Variants in AK3 observed in about 807,000 individuals in gnomAD.
The protein encoded by AK3 is adenylate kinase 3, also known as GTP:AMP phosphotransferase AK3, mitochondrial.
A neutral mutation model predicts 23.7 loss-of-function variants in AK3; 27 were observed. The ratio of observed to expected loss-of-function variants is 1.14; its 90% CI spans 0.84 to 1.57. AK3 has a LOEUF of 1.57. AK3 is among the 40% of genes most tolerant of loss of function. The pLI is 0.00. For synonymous variants in AK3, 159 were observed against 116.0 expected (o/e 1.37, Z -2.38); for missense variants, 406 against 285.6 (o/e 1.42, Z -3.04).
chr9:4,714,018 A>ATATACGCCTACACG (rs1841640041), intron 4 of AK3, among the ~76,000 whole-genome samples: 4 of 137,930 alleles, frequency 2.9e-5, no homozygotes, highest in African/African-American at 1.1e-4. Flanking sequence ...ACACCTACAC[A>ATATACGCCTACACG]TATACAGCTA....
intron 1 of AK3, among the ~76,000 whole-genome samples, chr9:4,736,863 A>C (rs571336043): frequency 2.6e-5 from 4 of 152,218 alleles, no homozygotes; most frequent in African/African-American, 9.6e-5. Flanking sequence ...TCTTTTGTAG[A>C]GACGGGTTCT....
At chr9:4,721,530 G>A (rs541625576) in intron 2 of AK3, among the ~76,000 whole-genome samples, 1 of 151,904 alleles carries the variant, frequency 6.6e-6, no homozygotes, top group African/African-American at 2.4e-5. Context: ...GGCAATCTCG[G>A]TTCACCGCAG....
intron 1 of AK3, among the ~76,000 whole-genome samples, chr9:4,735,969 G>C (rs1007784739): frequency 6.6e-6 from 1 of 151,734 alleles, no homozygotes; most frequent in African/African-American, 2.4e-5. Flanking sequence ...ACAAAAATTA[G>C]CTGGGCATGG....
intron 2 of AK3, among the ~76,000 whole-genome samples, chr9:4,721,778 C>T (rs1400307039): frequency 6.6e-6 from 1 of 152,176 alleles, no homozygotes; most frequent in African/African-American, 2.4e-5. Context: ...TTCTAATTTA[C>T]CTCTTAGCAC....
chr9:4,719,842 G>A (rs1841845857), intron 2 of AK3, among the ~76,000 whole-genome samples: 2 of 152,094 alleles, frequency 1.3e-5, no homozygotes, highest in Admixed American at 6.6e-5. Flanking sequence ...GAGGAGGGCG[G>A]ATCACCTGAG....
chr9:4,727,555 C>A (rs1161926171), intron 1 of AK3, among the ~76,000 whole-genome samples: 1 of 152,196 alleles, frequency 6.6e-6, no homozygotes, highest in African/African-American at 2.4e-5. Flanking sequence ...TAGGGCCTTG[C>A]TCTGGACTGG....
rs1266500823 is a variant in AK3, at chr9:4,735,264, T to C, written c.151+5673A>G. On this transcript the variant is annotated intron_variant, in intron 1 of 4. Transcript: ENST00000381809. ...ATATATAAATATATATATATATAAA[T>C]ATATATATAAATATATATACATATA... Among the ~76,000 whole-genome samples, 25 of 16,738 alleles carry C rather than the reference T, an allele frequency of 1.5e-3. 1 individual carries two copies. Among genetic ancestry groups the C allele is most frequent in the African/African-American group, 0.01 (24 of 2,390 alleles). The allele number at this position is 16,738 out of a possible 152,430, so 11.0% of individuals were successfully genotyped here.
chr9:4,727,741 G>T (rs570982702), intron 1 of AK3, among the ~76,000 whole-genome samples: 62 of 152,318 alleles, frequency 4.1e-4, no homozygotes, highest in Admixed American at 1.2e-3. Flanking sequence ...ACTGGTGCAA[G>T]AAGCCTGGTT....
intron 4 of AK3, among the ~76,000 whole-genome samples, chr9:4,715,416 A>G (rs1841700329): frequency 7.1e-6 from 1 of 140,044 alleles, no homozygotes; most frequent in South Asian, 2.3e-4. Flanking sequence ...TTTTTAAGAC[A>G]GGGTCTCACT....
chr9:4,740,004 A>G lies in AK3; in HGVS notation c.151+933T>C, dbSNP rs1842387772. 4.0e-5 allele frequency among the ~76,000 whole-genome samples: 6 copies of G among 151,048 alleles called. No homozygotes were observed. In the Admixed American group the frequency reaches 4.0e-4, roughly 10 times the overall value. ...CCGAAGAATGGGACTGAGGTAGGGA[A>G]CGAAAGAGGGCGTTGTTTTTTATGC... On this transcript the variant is annotated intron_variant, in intron 1 of 4. Coordinates refer to ENST00000381809, the MANE Select transcript of AK3 (RefSeq NM_016282.4).
In AK3 at chr9:4,713,027, G is replaced by C. The variant is rs755861699; in HGVS notation, c.633C>G (p.Phe211Leu). The C allele has an allele frequency of 7.4e-6, 12 of 1,613,748 alleles. No homozygotes were observed. Among genetic ancestry groups the C allele is most frequent in the Non-Finnish European group, 1.0e-5 (12 of 1,179,776 alleles). ...TTCTTTGTGGAACTTTAGTTTGTAG[G>C]AAAGCATATACATAGGGCCAAATCT... ...TNKIWPYVYAFLQTKVPQRSQ... is the reference protein window; with the variant it reads ...TNKIWPYVYALLQTKVPQRSQ... The change falls in exon 5 of 5, where the codon TTC (phenylalanine) becomes TTG (leucine). Residue 211 changes from phenylalanine (F) to leucine (L), a missense_variant. Transcript: ENST00000381809.
intron 1 of AK3, among the ~76,000 whole-genome samples, chr9:4,729,015 A>ATATATATATATATTTTTT (rs71326127): frequency 3.1e-5 from 4 of 129,448 alleles, no homozygotes; most frequent in East Asian, 2.4e-4. Context: ...ATATATATAT[A>ATATATATATATATTTTTT]TTTTTTTTTT....
At chr9:4,732,219 A>G (rs439241) in intron 1 of AK3, among the ~76,000 whole-genome samples, 85,602 of 151,666 alleles carry the variant, frequency 0.56, 26,193 homozygotes, top group East Asian at 0.8. Context: ...AAAGTGCTGG[A>G]ATTACAGGCA....
At position 4,720,482 on chromosome 9, in the gene AK3, G is replaced by A. The variant is rs556021892; in HGVS notation, c.272-1175C>T. ...GAGGACTGCTTGAGCCCAGGAGTTT[G>A]AGACCAGCCTGGGCAACATAGCAAG... On this transcript the variant is annotated intron_variant, in intron 2 of 4. Coordinates refer to ENST00000381809, the MANE Select transcript of AK3 (RefSeq NM_016282.4). 2.0e-5 allele frequency among the ~76,000 whole-genome samples: 3 copies of A among 152,198 alleles called. No homozygotes were observed. In the East Asian group the frequency reaches 5.8e-4, roughly 29 times the overall value.
chr9:4,728,346 G>A (rs946234816), intron 1 of AK3, among the ~76,000 whole-genome samples: 12 of 152,178 alleles, frequency 7.9e-5, no homozygotes, highest in Admixed American at 3.9e-4. Flanking sequence ...CGAGGCAGGC[G>A]CATCACTTGA....
At chr9:4,737,112 CTA>C (rs1842314029) in intron 1 of AK3, among the ~76,000 whole-genome samples, 1 of 151,896 alleles carries the variant, frequency 6.6e-6, no homozygotes. Flanking sequence ...TAGTTCTTTA[CTA>C]TATAGTTTTT....
chr9:4,722,196 C>A (rs142932553), intron 2 of AK3, among the ~76,000 whole-genome samples: 220 of 152,286 alleles, frequency 1.4e-3, no homozygotes, highest in South Asian at 1.9e-3. Flanking sequence ...AAGTTTACAG[C>A]TTATTGTAAA....
intron 1 of AK3, among the ~76,000 whole-genome samples, chr9:4,723,025 C>T (rs1234562784): frequency 2.6e-5 from 4 of 152,142 alleles, no homozygotes; most frequent in African/African-American, 4.8e-5. Context: ...GAGCCGAGAT[C>T]GTGCCATTGC....
chr9:4,718,424 A>G lies in AK3; in HGVS notation c.558T>C (p.Tyr186=). The G allele has an allele frequency of 1.2e-6, 2 of 1,611,434 alleles. No individual in the cohort carries two copies. Among genetic ancestry groups the G allele is most frequent in the East Asian group, 4.5e-5 (2 of 44,882 alleles). The stretch of plus-strand genomic sequence containing the variant: ...TCTGAAAAGCAAAAACTCACTGGTA[A>G]TATTCCAGGACTGGCTTTGTTTGGT... ...YEDQTKPVLE[Y]YQKKGVLETF... is the part of the protein sequence containing the mutation. The change falls in exon 4 of 5, where the codon TAT becomes TAC. Residue 186 remains tyrosine (Y), a synonymous_variant. Transcript: ENST00000381809.
Sources: allele counts gnomAD v4.1 joint callset (sites outside exome capture counted in the v4.1 genomes callset), GRCh38; gene constraint gnomAD v4.1.1; transcripts MANE v1.5; gene names NCBI Gene and HGNC (gene_info 2026-07-23, HGNC 2026-07-21).